Variants in EHD3 observed in about 807,000 individuals in gnomAD.
The protein encoded by EHD3 is EH domain-containing protein 3.
A neutral mutation model predicts 43.0 loss-of-function variants in EHD3; 17 were observed. That is an observed-to-expected ratio of 0.40 (90% CI 0.27 to 0.59). EHD3 has a LOEUF of 0.59. Ranked by LOEUF, EHD3 falls within the 20% of genes least tolerant of loss-of-function variation. The probability of loss-of-function intolerance (pLI) is 0.49; values close to 1 mark genes in which losing one functional copy is unlikely to be tolerated. For missense variants in EHD3, 594 were observed against 705.6 expected, an observed-to-expected ratio of 0.84 and a Z score of 1.79; for synonymous variants, 313 against 289.5, an observed-to-expected ratio of 1.08 and a Z score of -0.82.
chr2:31,250,651 G>A (rs1166649999), intron 3 of EHD3, among the ~76,000 whole-genome samples: 1 of 152,152 alleles, frequency 6.6e-6, no homozygotes, highest in Non-Finnish European at 1.5e-5. Context: ...CCCCCAGCCT[G>A]TCCTGGCACA....
rs772793398 is a variant in EHD3 at position 31,266,398 on chromosome 2, C to T, written c.1302C>T (p.Ile434=). The part of the protein sequence containing the change: ...HGYGEGAGEG[I]DDAEWVVARD... ...ATGGGGAGGGGGCTGGAGAAGGTAT[C>T]GATGATGCTGAGTGGGTGGTGGCCA... The change falls in exon 6 of 6, where the codon ATC becomes ATT. Residue 434 remains isoleucine (I), a synonymous_variant. Coordinates refer to ENST00000322054, the MANE Select transcript of EHD3 (RefSeq NM_014600.3). The surrounding 1 kb of genome is among the most constrained non-coding windows in gnomAD (Gnocchi z 5.1). The T allele has an allele frequency of 1.1e-5, 18 of 1,613,894 alleles. No individual in the cohort carries two copies. The highest frequency in any genetic ancestry group is 1.3e-5 in the African/African-American group (1 of 74,912).
intron 1 of EHD3, among the ~76,000 whole-genome samples, chr2:31,242,270 G>A (rs572875873): frequency 1.3e-5 from 2 of 152,340 alleles, no homozygotes; most frequent in Admixed American, 6.5e-5. Flanking sequence ...CAGTCCACCT[G>A]TGCACATTAC....
chr2:31,264,062 G>T (rs79232476), intron 5 of EHD3, among the ~76,000 whole-genome samples: 2,848 of 152,262 alleles, frequency 0.019, 102 homozygotes, highest in African/African-American at 0.065. Context: ...CTAATGACAG[G>T]GACACATCCT....
intron 1 of EHD3, among the ~76,000 whole-genome samples, chr2:31,240,419 T>C (rs1458615353): frequency 5.3e-5 from 8 of 152,240 alleles, no homozygotes; most frequent in Non-Finnish European, 7.3e-5. Flanking sequence ...CTGGACACAG[T>C]GGTGGCTTTG....
Position 31,249,355 on chromosome 2 carries a change from A to T in EHD3, c.405-16A>T, listed in dbSNP as rs893093272. The T allele has an allele frequency of 1.2e-6, 2 of 1,612,794 alleles. No homozygotes were observed. The highest frequency in any genetic ancestry group is 1.3e-5 in the African/African-American group (1 of 74,824). ...AGGTGGGCGAGTACTCACCCAGGTT[A>T]CCTCTGCCCATGCAGGTTCGTGTGT... is the stretch of plus-strand genomic sequence containing the variant. On this transcript the variant is annotated splice_polypyrimidine_tract_variant and intron_variant, in intron 2 of 5. Coordinates refer to ENST00000322054, the MANE Select transcript of EHD3 (RefSeq NM_014600.3).
chr2:31,262,793 T>C (rs968285566), intron 5 of EHD3, among the ~76,000 whole-genome samples: 9 of 152,188 alleles, frequency 5.9e-5, no homozygotes, highest in Non-Finnish European at 1.3e-4. Flanking sequence ...CAAGCACCTG[T>C]AATCCCAGCT....
At chr2:31,253,731 GGT>G (rs563817405) in intron 3 of EHD3, among the ~76,000 whole-genome samples, 1 of 152,308 alleles carries the variant, frequency 6.6e-6, no homozygotes, top group Non-Finnish European at 1.5e-5. Flanking sequence ...CCTGGGGCGG[GGT>G]GTGTCTTGTG....
chr2:31,247,903 A>G (rs1334029495), intron 2 of EHD3, among the ~76,000 whole-genome samples: 2 of 152,254 alleles, frequency 1.3e-5, no homozygotes, highest in Non-Finnish European at 2.9e-5. Flanking sequence ...ATCACCAGAG[A>G]AGAATGATGA....
chr2:31,244,989 T>G (rs888204925), intron 2 of EHD3, among the ~76,000 whole-genome samples: 1 of 152,190 alleles, frequency 6.6e-6, no homozygotes, highest in Non-Finnish European at 1.5e-5. Context: ...AAGATCATCA[T>G]GATGATGTGA....
At chr2:31,264,513 T>TAACA (rs1234418907) in intron 5 of EHD3, among the ~76,000 whole-genome samples, 2 of 149,180 alleles carry the variant, frequency 1.3e-5, no homozygotes, top group African/African-American at 4.9e-5. Flanking sequence ...AATAATAAAT[T>TAACA]AACATTTCTA....
chr2:31,237,405 A>G (rs980131581), intron 1 of EHD3, among the ~76,000 whole-genome samples: 1 of 151,558 alleles, frequency 6.6e-6, no homozygotes, highest in Non-Finnish European at 1.5e-5. Flanking sequence ...TGGCTTGTTT[A>G]TTTTTGTTTT....
intron 3 of EHD3, among the ~76,000 whole-genome samples, chr2:31,250,260 G>A (rs573112679): frequency 7.1e-6 from 1 of 139,992 alleles, no homozygotes; most frequent in Non-Finnish European, 1.5e-5. Context: ...CATCATCATC[G>A]TTGTTTTCTT....
intron 3 of EHD3, among the ~76,000 whole-genome samples, chr2:31,252,480 G>A (rs1406566813): frequency 6.6e-6 from 1 of 152,142 alleles, no homozygotes; most frequent in African/African-American, 2.4e-5. Context: ...TGTTGTTGCT[G>A]TTGTTGTTGT....
At chr2:31,253,828 G>T (rs1683687985) in intron 3 of EHD3, among the ~76,000 whole-genome samples, 1 of 152,154 alleles carries the variant, frequency 6.6e-6, no homozygotes, top group Admixed American at 6.5e-5. Context: ...ATTGGGGTGG[G>T]CAGGGGAGGA....
chr2:31,252,197 C>G (rs533937406), intron 3 of EHD3, among the ~76,000 whole-genome samples: 1 of 152,216 alleles, frequency 6.6e-6, no homozygotes. Flanking sequence ...ATATGTACCA[C>G]ACAGCCGTCT....
At chr2:31,248,069 T>C (rs1432318320) in intron 2 of EHD3, among the ~76,000 whole-genome samples, 1 of 152,174 alleles carries the variant, frequency 6.6e-6, no homozygotes, top group Non-Finnish European at 1.5e-5. Context: ...TGCATCCCTC[T>C]TGCATGTGCC....
At chr2:31,249,617 G>C (rs1003144816) in intron 3 of EHD3, 149 bp downstream of exon 3, 4 of 719,342 alleles carry the variant, frequency 5.6e-6, no homozygotes, top group Non-Finnish European at 9.2e-6. Flanking sequence ...ATTTTACCTG[G>C]GGCAGTCCTA....
rs747703308 is a variant in EHD3 at position 31,244,388 on chromosome 2, G to C, written c.342G>C (p.Leu114=). The change falls in exon 2 of 6, where the codon CTG becomes CTC. Residue 114 remains leucine, a synonymous_variant. Coordinates refer to ENST00000322054, the MANE Select transcript of EHD3 (RefSeq NM_014600.3). ...DMEGIIPGNA[L]VVDPKKPFRK... is the part of the protein sequence containing the mutation. ...AGGGGATCATCCCTGGGAACGCCCTGGTGGTGGATCCCAAGAAACCCTTCA... is the reference window on the plus strand; with the variant it reads ...AGGGGATCATCCCTGGGAACGCCCTCGTGGTGGATCCCAAGAAACCCTTCA... The C allele has an allele frequency of 6.2e-7, 1 of 1,614,196 alleles. No individual in the cohort carries two copies. Among genetic ancestry groups the C allele is most frequent in the Admixed American group, 1.7e-5 (1 of 60,020 alleles).
At chr2:31,241,573 C>T (rs147424423) in intron 1 of EHD3, among the ~76,000 whole-genome samples, 2 of 152,176 alleles carry the variant, frequency 1.3e-5, no homozygotes, top group African/African-American at 4.8e-5. Flanking sequence ...GAGCATAGTG[C>T]TGATATCATA....
Sources: allele counts gnomAD v4.1 joint callset (sites outside exome capture counted in the v4.1 genomes callset), GRCh38; gene constraint gnomAD v4.1.1; non-coding constraint Gnocchi (gnomAD v3.1); transcripts MANE v1.5; gene names NCBI Gene and HGNC (gene_info 2026-07-23, HGNC 2026-07-21).